Variants in RPH3A observed in about 807,000 individuals in gnomAD.
RPH3A encodes rabphilin-3A.
Under a neutral mutation model 102.2 loss-of-function variants are expected in RPH3A, and 48 were observed. That is an observed-to-expected ratio of 0.47 (90% CI 0.37 to 0.60). RPH3A has a LOEUF of 0.60. Ranked by LOEUF, RPH3A falls within the 20% of genes least tolerant of loss-of-function variation. The probability of loss-of-function intolerance (pLI) is 0.00; values close to 1 mark genes in which losing one functional copy is unlikely to be tolerated. For synonymous variants in RPH3A, 310 were observed against 324.3 expected (o/e 0.96, Z 0.47); for missense variants, 781 against 910.1 (o/e 0.86, Z 1.83).
chr12:112,896,506 A>G (rs2043181096), intron 21 of RPH3A, 144 bp from the exon 22 acceptor site: 1 of 883,318 alleles, frequency 1.1e-6, no homozygotes, highest in East Asian at 2.4e-5. Context: ...CAACAGCAGC[A>G]ACGTTATAAC....
intron 1 of RPH3A, among the ~76,000 whole-genome samples, chr12:112,758,015 G>A (rs968099800): frequency 1.3e-5 from 2 of 152,078 alleles, no homozygotes; most frequent in Middle Eastern, 3.2e-3. Flanking sequence ...CATAGAAATG[G>A]CCCAGAATTA....
At chr12:112,722,691 C>T (rs2040559291) in intron 1 of RPH3A, among the ~76,000 whole-genome samples, 1 of 152,140 alleles carries the variant, frequency 6.6e-6, no homozygotes, top group African/African-American at 2.4e-5. Context: ...TTCTTCAGTT[C>T]TTCCTTCCTG....
At chr12:112,637,275 C>T (rs1023405172) in intron 1 of RPH3A, among the ~76,000 whole-genome samples, 1 of 152,146 alleles carries the variant, frequency 6.6e-6, no homozygotes, top group Non-Finnish European at 1.5e-5. Flanking sequence ...TAAATATATA[C>T]TTTATGCTTT....
Position 112,816,854 on chromosome 12 carries a change from T to C in RPH3A, c.-18-11447T>C, listed in dbSNP as rs563628174. On this transcript the variant is annotated intron_variant, in intron 2 of 21. Transcript: ENST00000389385. The stretch of plus-strand genomic sequence containing the variant: ...CTTAGGAAAACATAACTGAGATTAT[T>C]ATTCATAATAAATTAAGGATAGCTT... Among the ~76,000 whole-genome samples, 3 of 152,324 alleles carry C rather than the reference T, an allele frequency of 2.0e-5. No homozygotes were observed. The East Asian group carries it at 5.8e-4, about 29-fold the overall frequency.
At chr12:112,610,356 AGCTTG>A (rs2039629730) in intron 1 of RPH3A, among the ~76,000 whole-genome samples, 1 of 151,928 alleles carries the variant, frequency 6.6e-6, no homozygotes, top group Non-Finnish European at 1.5e-5. Flanking sequence ...TACAAAAATT[AGCTTG>A]GCGTGGTGGT....
At chr12:112,744,374 C>G (rs938848388) in intron 1 of RPH3A, among the ~76,000 whole-genome samples, 2 of 152,154 alleles carry the variant, frequency 1.3e-5, no homozygotes, top group African/African-American at 2.4e-5. Flanking sequence ...CCATACCCGG[C>G]CAGGCTTCAG....
chr12:112,845,231 C>A (rs981183307), intron 4 of RPH3A, among the ~76,000 whole-genome samples: 1 of 152,152 alleles, frequency 6.6e-6, no homozygotes, highest in Non-Finnish European at 1.5e-5. Flanking sequence ...GGTCTTCTTT[C>A]CCTCTAGCAT....
At chr12:112,704,155 C>T (rs1431756106) in intron 1 of RPH3A, among the ~76,000 whole-genome samples, 2 of 151,290 alleles carry the variant, frequency 1.3e-5, no homozygotes, top group East Asian at 1.9e-4. Flanking sequence ...GTGGCATGAT[C>T]TCAACTCACT....
intron 10 of RPH3A, among the ~76,000 whole-genome samples, chr12:112,870,286 G>A (rs2042685278): frequency 7.2e-6 from 1 of 137,976 alleles, no homozygotes; most frequent in Non-Finnish European, 1.5e-5. Flanking sequence ...ATGTCAGAAA[G>A]CATGATTTTT....
intron 14 of RPH3A, among the ~76,000 whole-genome samples, chr12:112,880,032 A>G (rs1225398536): frequency 1.3e-5 from 2 of 151,746 alleles, no homozygotes; most frequent in Non-Finnish European, 1.5e-5. Flanking sequence ...TTGCCTCGCT[A>G]TAATAATTAA....
intron 13 of RPH3A, among the ~76,000 whole-genome samples, chr12:112,877,442 A>T (rs1354368888): frequency 1.3e-5 from 2 of 151,942 alleles, no homozygotes; most frequent in Non-Finnish European, 2.9e-5. Context: ...ACACACACAC[A>T]CACACACACA....
At chr12:112,704,737 A>G (rs1470843709) in intron 1 of RPH3A, among the ~76,000 whole-genome samples, 1 of 152,178 alleles carries the variant, frequency 6.6e-6, no homozygotes, top group Non-Finnish European at 1.5e-5. Context: ...GTTTTGACCA[A>G]CATTTCAAAA....
chr12:112,784,051 C>T (rs1209683822), intron 1 of RPH3A, among the ~76,000 whole-genome samples: 3 of 152,322 alleles, frequency 2.0e-5, no homozygotes, highest in East Asian at 1.9e-4. Flanking sequence ...CATCTCCAAT[C>T]ACACTGCCTG....
chr12:112,664,928 C>T (rs12423966), intron 1 of RPH3A, among the ~76,000 whole-genome samples: 4,517 of 150,676 alleles, frequency 0.03, 167 homozygotes, highest in Admixed American at 0.1. Context: ...TCTCAGAAGT[C>T]TCTCTCGTTC....
chr12:112,725,947 C>A (rs1423345700), intron 1 of RPH3A, among the ~76,000 whole-genome samples: 1 of 152,038 alleles, frequency 6.6e-6, no homozygotes, highest in Non-Finnish European at 1.5e-5. Context: ...AGGCACCCGC[C>A]ACCACGCCCG....
intron 1 of RPH3A, among the ~76,000 whole-genome samples, chr12:112,694,547 G>C (rs1163348790): frequency 1.3e-5 from 2 of 151,830 alleles, no homozygotes; most frequent in African/African-American, 4.8e-5. Flanking sequence ...TGAGGGCGGG[G>C]AAAAAGAGAG....
intron 1 of RPH3A, among the ~76,000 whole-genome samples, chr12:112,633,826 G>C (rs2135987486): frequency 6.6e-6 from 1 of 152,306 alleles, no homozygotes; most frequent in Admixed American, 6.5e-5. Context: ...CCTGGAATGA[G>C]ACTGAGGTCT....
At chr12:112,687,911 G>A (rs370731544) in intron 1 of RPH3A, among the ~76,000 whole-genome samples, 1 of 152,162 alleles carries the variant, frequency 6.6e-6, no homozygotes, top group African/African-American at 2.4e-5. Context: ...ATTCAGAGTA[G>A]GAATATCTAC....
At chr12:112,789,185 A>G (rs1306472765), upstream of RPH3A, among the ~76,000 whole-genome samples, 1 of 152,166 alleles carries the variant, frequency 6.6e-6, no homozygotes, top group African/African-American at 2.4e-5. Context: ...TTGTTTATTG[A>G]GGGTTTCCTA....
Sources: allele counts gnomAD v4.1 joint callset (sites outside exome capture counted in the v4.1 genomes callset), GRCh38; gene constraint gnomAD v4.1.1; transcripts MANE v1.5; gene names NCBI Gene and HGNC (gene_info 2026-07-23, HGNC 2026-07-21).